Variants in ATF7 observed in about 807,000 individuals in gnomAD.
ATF7 encodes the protein activating transcription factor 7.
A neutral mutation model predicts 50.4 loss-of-function variants in ATF7; 10 were observed. That is an observed-to-expected ratio of 0.20 (90% CI 0.12 to 0.34). The LOEUF is 0.34. ATF7 is among the 10% of genes least tolerant of loss of function. ATF7 has a pLI of 1.00. For missense variants in ATF7, 465 were observed against 613.9 expected (o/e 0.76, Z 2.56); for synonymous variants, 201 against 226.4 (o/e 0.89, Z 1.01).
At chr12:53,558,415 C>T (rs764996654) in intron 2 of ATF7, among the ~76,000 whole-genome samples, 1 of 152,146 alleles carries the variant, frequency 6.6e-6, no homozygotes, top group Non-Finnish European at 1.5e-5. Context: ...AGAAAAAAAG[C>T]TGCTTTTTAG....
intron 11 of ATF7, among the ~76,000 whole-genome samples, chr12:53,519,602 T>A (rs1461233438): frequency 6.6e-6 from 1 of 151,878 alleles, no homozygotes; most frequent in Non-Finnish European, 1.5e-5. Flanking sequence ...CTCGGGAGGC[T>A]GAGGCAGGAG....
chr12:53,566,960 G>A (rs936230100), intron 2 of ATF7, among the ~76,000 whole-genome samples: 4 of 152,170 alleles, frequency 2.6e-5, no homozygotes, highest in Non-Finnish European at 5.9e-5. Context: ...CACCATCTTG[G>A]TCAGGCTAGT....
intron 1 of ATF7, among the ~76,000 whole-genome samples, chr12:53,622,668 A>AT (rs1565610909): frequency 2.0e-5 from 3 of 150,380 alleles, no homozygotes; most frequent in African/African-American, 7.3e-5. Context: ...AAAAAAAAAA[A>AT]ATAGCTTAAA....
chr12:53,539,975 C>T (rs371180076), intron 4 of ATF7, among the ~76,000 whole-genome samples: 18 of 151,680 alleles, frequency 1.2e-4, no homozygotes, highest in East Asian at 3.9e-4. Flanking sequence ...GGGACTGAGG[C>T]GGGAGGATCA....
chr12:53,588,771 T>C (rs1338191348), intron 2 of ATF7, among the ~76,000 whole-genome samples: 3 of 152,142 alleles, frequency 2.0e-5, no homozygotes, highest in South Asian at 4.1e-4. Flanking sequence ...CAAAAATTAA[T>C]TTTCTTTCCT....
At chr12:53,595,787 T>C (rs1381136786) in intron 2 of ATF7, among the ~76,000 whole-genome samples, 1 of 152,206 alleles carries the variant, frequency 6.6e-6, no homozygotes, top group Admixed American at 6.5e-5. Flanking sequence ...TCACTATTCT[T>C]GGCCTTAGAA....
At position 53,533,284 on chromosome 12, in the gene ATF7, C is replaced by G. The variant is rs1158169982; in HGVS notation, c.561-25G>C. 13 of 1,549,436 alleles carry G rather than the reference C, an allele frequency of 8.4e-6. No homozygotes were observed. The African/African-American group carries it at 1.5e-4, about 18-fold the overall frequency. ...CCTAGAGGAGACATGAAGTGAAATG[C>G]TCATAACACAGACCTTTTGTCCATG... On this transcript the variant is annotated intron_variant, in intron 6 of 11. Coordinates refer to ENST00000420353, the MANE Select transcript of ATF7 (RefSeq NM_006856.3).
At chr12:53,520,236 T>G (rs1938028786) in intron 11 of ATF7, among the ~76,000 whole-genome samples, 1 of 152,178 alleles carries the variant, frequency 6.6e-6, no homozygotes, top group East Asian at 1.9e-4. Flanking sequence ...TCTCTTTTTC[T>G]AGCTCTGCTG....
intron 2 of ATF7, among the ~76,000 whole-genome samples, chr12:53,556,840 A>T (rs1940789394): frequency 1.3e-5 from 2 of 152,178 alleles, no homozygotes; most frequent in South Asian, 4.1e-4. Flanking sequence ...AAAAAAAGAA[A>T]TTCTCTAGAT....
intron 2 of ATF7, among the ~76,000 whole-genome samples, chr12:53,556,326 T>C (rs1403606787): frequency 6.6e-6 from 1 of 152,236 alleles, no homozygotes; most frequent in Admixed American, 6.5e-5. Flanking sequence ...TGGTGGCGCA[T>C]ACCTGTAACC....
At chr12:53,617,429 A>G (rs1213413061) in intron 1 of ATF7, among the ~76,000 whole-genome samples, 1 of 152,188 alleles carries the variant, frequency 6.6e-6, no homozygotes, top group Non-Finnish European at 1.5e-5. Flanking sequence ...CGGGTGCGAG[A>G]GCAGCCTGGC....
At chr12:53,613,277 T>C (rs1482149042) in intron 1 of ATF7, among the ~76,000 whole-genome samples, 1 of 152,162 alleles carries the variant, frequency 6.6e-6, no homozygotes, top group East Asian at 1.9e-4. Context: ...TCTTAACAGA[T>C]TGAATGCAGA....
At chr12:53,611,652 G>T (rs952041567) in intron 1 of ATF7, among the ~76,000 whole-genome samples, 1 of 151,936 alleles carries the variant, frequency 6.6e-6, no homozygotes, top group African/African-American at 2.4e-5. Context: ...GTGCAGTAAC[G>T]GGATCTTGGC....
At chr12:53,535,328 C>CAAAAAAAAAAAAAAAAAAAAAAAA (rs397938442) in intron 5 of ATF7, among the ~76,000 whole-genome samples, 21 of 64,934 alleles carry the variant, frequency 3.2e-4, no homozygotes, top group East Asian at 2.4e-3. Flanking sequence ...GACTCTGCCT[C>CAAAAAAAAAAAAAAAAAAAAAAAA]AAAAAAAAAA....
chr12:53,583,792 T>C (rs765366247), intron 2 of ATF7, among the ~76,000 whole-genome samples: 9 of 152,092 alleles, frequency 5.9e-5, no homozygotes, highest in Admixed American at 1.3e-4. Context: ...ATGTAAAAGA[T>C]ACACCTGATA....
intron 1 of ATF7, among the ~76,000 whole-genome samples, chr12:53,610,017 A>G (rs1398517058): frequency 6.6e-6 from 1 of 151,454 alleles, no homozygotes; most frequent in Non-Finnish European, 1.5e-5. Flanking sequence ...GGGTTTCACC[A>G]TGTTAGCCAG....
rs531340825 is a variant in ATF7 at position 53,589,722 on chromosome 12, G to A, written c.48+11231C>T. Among the ~76,000 whole-genome samples the A allele has an allele frequency of 9.2e-5, 14 of 152,168 alleles. No homozygotes were observed. In the South Asian group the frequency reaches 1.9e-3, roughly 20 times the overall value. Reference sequence around the variant, plus strand: ...TCTCTATGAAAGAAGATCCTACTCCGTACCAACGAGCTAGAATTCTAAGCA... The same window carrying A: ...TCTCTATGAAAGAAGATCCTACTCCATACCAACGAGCTAGAATTCTAAGCA... On this transcript the variant is annotated intron_variant, in intron 2 of 11. Transcript: ENST00000420353.
Position 53,577,728 on chromosome 12 carries a change from AAAAG to A in ATF7, c.48+23221_48+23224del, listed in dbSNP as rs533228352. On this transcript the variant is annotated intron_variant, in intron 2 of 11. Transcript: ENST00000420353. ...GAGACTCCGTCTCTGAAAAAAAAAAAAAAGAAAGAAAGAAAGAAAGAAAGAAACA... is the reference window on the plus strand; with the variant it reads ...GAGACTCCGTCTCTGAAAAAAAAAAAAAAGAAAGAAAGAAAGAAAGAAACA... Among the ~76,000 whole-genome samples the A allele has an allele frequency of 5.7e-3, 836 of 147,348 alleles. 6 individuals carry two copies. Among genetic ancestry groups the A allele is most frequent in the African/African-American group, 0.017 (657 of 39,006 alleles).
At chr12:53,535,328 C>CAAAAAAAAAAAAAAAAAAAAAAA (rs397938442) in intron 5 of ATF7, among the ~76,000 whole-genome samples, 60 of 64,904 alleles carry the variant, frequency 9.2e-4, no homozygotes, top group East Asian at 6.8e-3. Context: ...GACTCTGCCT[C>CAAAAAAAAAAAAAAAAAAAAAAA]AAAAAAAAAA....
Sources: gnomAD v4.1 joint callset for allele counts (sites outside exome capture counted in the v4.1 genomes callset) on GRCh38, gnomAD v4.1.1 for gene constraint, MANE v1.5 for transcripts, NCBI Gene and HGNC (gene_info 2026-07-23, HGNC 2026-07-21) for gene names.